The following TRIM2 variants were observed in gnomAD, a reference collection of about 807,000 sequenced individuals.
The protein encoded by TRIM2 is tripartite motif containing 2.
A neutral mutation model predicts 75.2 loss-of-function variants in TRIM2; 20 were observed. The observed-to-expected ratio is 0.27, with a 90% CI of 0.19 to 0.39. The LOEUF (loss-of-function observed/expected upper bound fraction) is 0.39, where lower values mean the gene tolerates loss of function less well. TRIM2 is among the 10% of genes least tolerant of loss of function. The probability of loss-of-function intolerance (pLI) is 1.00; values close to 1 mark genes in which losing one functional copy is unlikely to be tolerated. For synonymous variants in TRIM2, 373 were observed against 388.3 expected, an observed-to-expected ratio of 0.96 and a Z score of 0.46; for missense variants, 660 against 990.8, an observed-to-expected ratio of 0.67 and a Z score of 4.48.
intron 3 of TRIM2, among the ~76,000 whole-genome samples, chr4:153,278,883 T>TTA (rs1447036728): frequency 6.6e-6 from 1 of 152,008 alleles, no homozygotes; most frequent in Non-Finnish European, 1.5e-5. Flanking sequence ...AGGCAACAGC[T>TTA]TATAGCTCAA....
At chr4:153,273,407 C>A (rs1757296708) in intron 2 of TRIM2, among the ~76,000 whole-genome samples, 1 of 147,436 alleles carries the variant, frequency 6.8e-6, no homozygotes, top group Non-Finnish European at 1.5e-5. Context: ...TCCCGAGTAG[C>A]TGGGACTACA....
At chr4:153,221,589 C>A (rs1041455490) in intron 1 of TRIM2, among the ~76,000 whole-genome samples, 1 of 152,116 alleles carries the variant, frequency 6.6e-6, no homozygotes, top group African/African-American at 2.4e-5. Flanking sequence ...CTCTGCCCCC[C>A]AAAGAAGATA....
chr4:153,196,626 C>A (rs1207331141), intron 1 of TRIM2, among the ~76,000 whole-genome samples: 1 of 152,176 alleles, frequency 6.6e-6, no homozygotes, highest in African/African-American at 2.4e-5. Context: ...AGGTACTGCT[C>A]ACACTTTCCA....
intron 1 of TRIM2, among the ~76,000 whole-genome samples, chr4:153,159,211 T>A (rs921883293): frequency 6.6e-6 from 1 of 151,618 alleles, no homozygotes; most frequent in African/African-American, 2.4e-5. Flanking sequence ...CTCAAGACCA[T>A]ACGAAGCCAC....
At chr4:153,162,432 C>T (rs1260653616) in intron 1 of TRIM2, among the ~76,000 whole-genome samples, 1 of 152,188 alleles carries the variant, frequency 6.6e-6, no homozygotes, top group Non-Finnish European at 1.5e-5. Context: ...CTGAAGTCCA[C>T]AGACCATCTG....
chr4:153,297,550 T>A (rs1763017125), intron 6 of TRIM2, among the ~76,000 whole-genome samples: 1 of 152,162 alleles, frequency 6.6e-6, no homozygotes. Context: ...TGTTAAGGCT[T>A]TTAGATTATC....
chr4:153,217,583 T>C (rs1738829437), intron 1 of TRIM2, among the ~76,000 whole-genome samples: 1 of 152,192 alleles, frequency 6.6e-6, no homozygotes, highest in African/African-American at 2.4e-5. Flanking sequence ...CAGTGATGCT[T>C]GACAATCTGA....
intron 1 of TRIM2, among the ~76,000 whole-genome samples, chr4:153,173,984 A>G (rs1170383675): frequency 6.6e-6 from 1 of 151,834 alleles, no homozygotes; most frequent in Non-Finnish European, 1.5e-5. Context: ...ATAATAATTA[A>G]TAAATACATA....
At chr4:153,190,408 T>C (rs1733060255) in intron 1 of TRIM2, among the ~76,000 whole-genome samples, 1 of 152,264 alleles carries the variant, frequency 6.6e-6, no homozygotes, top group Non-Finnish European at 1.5e-5. Context: ...GGCACTGTGC[T>C]AAGTGCATTT....
At chr4:153,153,557 T>C (rs1728931476) in intron 1 of TRIM2, among the ~76,000 whole-genome samples, 2 of 152,220 alleles carry the variant, frequency 1.3e-5, no homozygotes, top group South Asian at 4.1e-4. Context: ...GAAATAACCT[T>C]GGCCTAGGCA....
chr4:153,336,496 G>A lies in TRIM2; in HGVS notation c.*1530G>A. Reference sequence around the variant, plus strand: ...TTAGTCAATCGTTCATCTGTCATTGGTACTGTAAAATAAGCTGTGGTCTAT... The same window carrying A: ...TTAGTCAATCGTTCATCTGTCATTGATACTGTAAAATAAGCTGTGGTCTAT... On this transcript the variant is annotated 3_prime_UTR_variant, in exon 12 of 12. Transcript: ENST00000338700. 2.0e-6 allele frequency: 2 copies of A among 985,706 alleles called. No individual in the cohort carries two copies. Among genetic ancestry groups the A allele is most frequent in the Non-Finnish European group, 2.4e-6 (2 of 829,904 alleles). The allele number at this position is 985,706 out of a possible 1,614,324, so 61.1% of individuals were successfully genotyped here.
rs1360689760 is a variant in TRIM2, at chr4:153,315,535, G to A, written c.1561G>A (p.Ala521Thr). 2 of 1,611,094 alleles carry A rather than the reference G, an allele frequency of 1.2e-6. No homozygotes were observed. The highest frequency in any genetic ancestry group is 2.2e-5 in the East Asian group (1 of 44,772). ...GTTTACAAATCTTCAGGGGGTAGCT[G>A]CATCTACAAATGGAAAGATATTAAT... ...GEFTNLQGVA[A>T]STNGKILIAD... Residue 521 changes from alanine (A) to threonine (T), a missense_variant, in exon 7 of 12, where the codon GCA becomes ACA. By Grantham distance (58) the Ala-to-Thr change is moderately conservative. Coordinates refer to ENST00000338700, the MANE Select transcript of TRIM2 (RefSeq NM_015271.5).
At chr4:153,169,514 T>G (rs929552270) in intron 1 of TRIM2, among the ~76,000 whole-genome samples, 1 of 152,252 alleles carries the variant, frequency 6.6e-6, no homozygotes, top group Non-Finnish European at 1.5e-5. Flanking sequence ...TAATTTCACT[T>G]GCCTATTTGA....
At position 153,275,877 on chromosome 4, in the gene TRIM2, T is replaced by G; in HGVS notation, c.216-16T>G. ...TCTGCACTGTGCTAAGCTCTCCACC[T>G]CTGCTTCTGCAACAGGTGCCTGCAG... On this transcript the variant is annotated splice_polypyrimidine_tract_variant and intron_variant, in intron 2 of 11. Coordinates refer to ENST00000338700, the MANE Select transcript of TRIM2 (RefSeq NM_015271.5). The G allele has an allele frequency of 6.2e-7, 1 of 1,612,436 alleles. No individual in the cohort carries two copies. Among genetic ancestry groups the G allele is most frequent in the East Asian group, 2.2e-5 (1 of 44,876 alleles).
At chr4:153,297,855 T>C (rs1763065601) in intron 6 of TRIM2, among the ~76,000 whole-genome samples, 1 of 152,226 alleles carries the variant, frequency 6.6e-6, no homozygotes, top group African/African-American at 2.4e-5. Context: ...AAGGTTGCTG[T>C]TGGGGGTGAA....
chr4:153,321,283 A>G (rs941528603), intron 8 of TRIM2, among the ~76,000 whole-genome samples: 3 of 152,240 alleles, frequency 2.0e-5, no homozygotes, highest in African/African-American at 7.2e-5. Context: ...ATGTGCCTAG[A>G]ATACCGTCAG....
chr4:153,337,351 A>C lies in TRIM2; in HGVS notation c.*2385A>C. On this transcript the variant is annotated 3_prime_UTR_variant, in exon 12 of 12. Coordinates refer to ENST00000338700, the MANE Select transcript of TRIM2 (RefSeq NM_015271.5). ...CTAACCAGCCATCATATCATATCCT[A>C]TCAGGCTAGATATCTCAATAGTAGA... 1 of 985,844 alleles carries C rather than the reference A, an allele frequency of 1.0e-6. No homozygotes were observed. Among genetic ancestry groups the C allele is most frequent in the Non-Finnish European group, 1.2e-6 (1 of 829,926 alleles). 61.1% of individuals were successfully genotyped at this position (985,844 alleles called of 1,614,324 possible).
At chr4:153,153,738 C>T (rs893773381) in intron 1 of TRIM2, among the ~76,000 whole-genome samples, 1 of 152,158 alleles carries the variant, frequency 6.6e-6, no homozygotes, top group African/African-American at 2.4e-5. Flanking sequence ...GGGACACGGG[C>T]GTGGCGGCGT....
At chr4:153,329,818 CAGA>C (rs902759543) in intron 11 of TRIM2, among the ~76,000 whole-genome samples, 1 of 149,852 alleles carries the variant, frequency 6.7e-6, no homozygotes, top group African/African-American at 2.5e-5. Flanking sequence ...GCCTGGGCAA[CAGA>C]AGGAGACTCT....
Sources: gnomAD v4.1 joint callset for allele counts (sites outside exome capture counted in the v4.1 genomes callset) on GRCh38, gnomAD v4.1.1 for gene constraint, MANE v1.5 for transcripts, NCBI Gene and HGNC (gene_info 2026-07-23, HGNC 2026-07-21) for gene names.